The following ONECUT1 variants were observed in gnomAD, a reference collection of about 807,000 sequenced individuals.
The protein encoded by ONECUT1 is one cut homeobox 1, also known as hepatocyte nuclear factor 6.
A neutral mutation model predicts 25.6 loss-of-function variants in ONECUT1; 12 were observed. The ratio of observed to expected loss-of-function variants is 0.47; its 90% CI spans 0.30 to 0.76. The LOEUF is 0.76. ONECUT1 is among the 30% of genes least tolerant of loss of function. ONECUT1 has a pLI of 0.07. For synonymous variants in ONECUT1, 285 were observed against 270.2 expected, an observed-to-expected ratio of 1.05 and a Z score of -0.54; for missense variants, 620 against 651.2, an observed-to-expected ratio of 0.95 and a Z score of 0.52.
At chr15:52,760,132 C>T (rs1270506290) in intron 1 of ONECUT1, among the ~76,000 whole-genome samples, 2 of 152,160 alleles carry the variant, frequency 1.3e-5, no homozygotes, top group East Asian at 1.9e-4. Context: ...GTAACATGTC[C>T]TGTAGGTCAC....
Position 52,783,919 on chromosome 15 carries a change from G to T in ONECUT1, c.1105+4861C>A, listed in dbSNP as rs138075680. ...GTTAGGTACCCCGACAGACCCTCTA[G>T]ATATCCTTCTCTTCCTCCTTCACAC... On this transcript the variant is annotated intron_variant, in intron 1 of 1. Coordinates refer to ENST00000305901, the MANE Select transcript of ONECUT1 (RefSeq NM_004498.4). Among the ~76,000 whole-genome samples the T allele has an allele frequency of 8.9e-3, 1,355 of 152,348 alleles. 23 individuals are homozygous for T. Among genetic ancestry groups the T allele is most frequent in the African/African-American group, 0.029 (1,220 of 41,584 alleles).
chr15:52,764,753 G>A (rs1329259239), intron 1 of ONECUT1, among the ~76,000 whole-genome samples: 8 of 152,204 alleles, frequency 5.3e-5, no homozygotes, highest in African/African-American at 1.9e-4. Flanking sequence ...AGGGCCTGCT[G>A]GAGATGCAGC....
intron 1 of ONECUT1, among the ~76,000 whole-genome samples, chr15:52,777,040 T>C (rs1328180691): frequency 6.6e-6 from 1 of 152,200 alleles, no homozygotes; most frequent in African/African-American, 2.4e-5. Context: ...CTTTGAGTAG[T>C]GAGGACCTAT....
At chr15:52,766,146 G>C (rs2083732906) in intron 1 of ONECUT1, among the ~76,000 whole-genome samples, 2 of 152,082 alleles carry the variant, frequency 1.3e-5, no homozygotes, top group South Asian at 4.1e-4. Flanking sequence ...TCACCCTTGT[G>C]TCTTGCTTTA....
chr15:52,765,267 G>A (rs551905869), intron 1 of ONECUT1, among the ~76,000 whole-genome samples: 1 of 152,328 alleles, frequency 6.6e-6, no homozygotes, highest in South Asian at 2.1e-4. Flanking sequence ...TGGTTGCAAA[G>A]CTCTGTGACT....
At position 52,765,767 on chromosome 15, in the gene ONECUT1, T is replaced by C. The variant is rs111677008; in HGVS notation, c.1106-7920A>G. On this transcript the variant is annotated intron_variant, in intron 1 of 1. Transcript: ENST00000305901. ...AGAATGTTATCTGCCTTGCCTTGAG[T>C]GATCTTACTGTGCAGTGTATATTTT... is the stretch of plus-strand genomic sequence containing the variant. 6.6e-3 allele frequency among the ~76,000 whole-genome samples: 999 copies of C among 152,266 alleles called. 14 individuals carry two copies. Among genetic ancestry groups the C allele is most frequent in the African/African-American group, 0.023 (956 of 41,552 alleles).
At chr15:52,780,645 ACTCCT>A in intron 1 of ONECUT1, 1 of 1,534,776 alleles carries the variant, frequency 6.5e-7, no homozygotes, top group Non-Finnish European at 8.7e-7. Context: ...CGCTTTAGCC[ACTCCT>A]CTCACGCACT....
chr15:52,787,938 G>A (rs1246201838), intron 1 of ONECUT1: 1 of 152,192 alleles, frequency 6.6e-6, no homozygotes, highest in Non-Finnish European at 1.5e-5. Context: ...GGAGACCTCT[G>A]CTCCTAGACT....
Position 52,789,878 on chromosome 15 carries a change from C to G in ONECUT1, c.7G>C (p.Ala3Pro), listed in dbSNP as rs1355423581. 2.6e-6 allele frequency: 4 copies of G among 1,537,730 alleles called. No individual in the cohort carries two copies. The highest frequency in any genetic ancestry group is 2.4e-5 in the South Asian group (2 of 84,734). The change falls in exon 1 of 2, where the codon GCG becomes CCG. Residue 3 changes from alanine to proline, a missense_variant. Ala to Pro is a conservative substitution (Grantham distance 27, BLOSUM62 -1). This residue lies in a region of ONECUT1 where 440 missense variants were observed against 404.9 expected (regional missense o/e 1.09). Coordinates refer to ENST00000305901, the MANE Select transcript of ONECUT1 (RefSeq NM_004498.4). The surrounding 1 kb of genome is among the most constrained non-coding windows in gnomAD (Gnocchi z 4.1). ...CCGATCGCTTCCATGGTCAGCTGCG[C>G]GTTCATCGTGATCCGGGCGAGCAGG... The part of the protein sequence containing the change: MN[A>P]QLTMEAIGEL...
intron 1 of ONECUT1, among the ~76,000 whole-genome samples, chr15:52,772,637 G>A (rs1415760357): frequency 6.6e-6 from 1 of 152,188 alleles, no homozygotes; most frequent in Non-Finnish European, 1.5e-5. Context: ...GGGCATCCCT[G>A]TGGGCAAGTA....
Position 52,757,679 on chromosome 15 carries a change from T to A in ONECUT1, c.1274A>T (p.Glu425Val). 1 of 1,614,136 alleles carries A rather than the reference T, an allele frequency of 6.2e-7. No individual in the cohort carries two copies. Among genetic ancestry groups the A allele is most frequent in the Non-Finnish European group, 8.5e-7 (1 of 1,180,020 alleles). ...GAAGAAGTTGCTGACAGTGCTCAGC[T>A]CCAACCCCAGCTGCTGGGAAATGGT... is the stretch of plus-strand genomic sequence containing the variant. ...QITISQQLGL[E>V]LSTVSNFFMN... Residue 425 changes from glutamate (E) to valine (V), a missense_variant, in exon 2 of 2, where the codon GAG becomes GTG. Glu to Val is a moderately radical substitution (Grantham distance 121). Around this residue, in one of 4 missense-constraint regions of ONECUT1, gnomAD observed 146 missense variants for 201.8 expected, o/e 0.72. Coordinates refer to ENST00000305901, the MANE Select transcript of ONECUT1 (RefSeq NM_004498.4).
chr15:52,789,483 GTGGTGGTGGTGA>G lies in ONECUT1; in HGVS notation c.390_401del (p.His131_His134del). The G allele has an allele frequency of 1.2e-6, 2 of 1,612,344 alleles. No individual in the cohort carries two copies. The highest frequency in any genetic ancestry group is 1.1e-5 in the South Asian group (1 of 90,884). The stretch of plus-strand genomic sequence containing the variant: ...CCGCCAGGCGCTGGTGGTGGTGCGG[GTGGTGGTGGTGA>G]TGGTGGTGGTGGTGATGGTGGGGGA... On this transcript the variant is annotated inframe_deletion, in exon 1 of 2. Coordinates refer to ENST00000305901, the MANE Select transcript of ONECUT1 (RefSeq NM_004498.4). This position sits in a 1 kb window ranked among gnomAD's most constrained non-coding sequence, Gnocchi z 4.1.
At chr15:52,773,773 A>T (rs2083782787) in intron 1 of ONECUT1, among the ~76,000 whole-genome samples, 1 of 152,208 alleles carries the variant, frequency 6.6e-6, no homozygotes, top group Non-Finnish European at 1.5e-5. Context: ...TCGTCAGTGA[A>T]ATCTGGGACA....
chr15:52,779,432 G>A (rs910989275), intron 1 of ONECUT1, among the ~76,000 whole-genome samples: 3 of 152,166 alleles, frequency 2.0e-5, no homozygotes, highest in Admixed American at 6.5e-5. Context: ...TAAGTGGCAT[G>A]AATTTGATAA....
intron 1 of ONECUT1, among the ~76,000 whole-genome samples, chr15:52,758,101 C>A (rs1488920936): frequency 2.0e-5 from 3 of 152,272 alleles, no homozygotes; most frequent in Non-Finnish European, 2.9e-5. Flanking sequence ...CTGGGTAAGT[C>A]AGTTAACTCC....
At chr15:52,786,021 G>A (rs2083872520) in intron 1 of ONECUT1, 1 of 152,214 alleles carries the variant, frequency 6.6e-6, no homozygotes, top group Non-Finnish European at 1.5e-5. Flanking sequence ...CAAGGTGGTT[G>A]GAACGAGACT....
At chr15:52,778,638 CT>C (rs893940087) in intron 1 of ONECUT1, among the ~76,000 whole-genome samples, 1 of 152,214 alleles carries the variant, frequency 6.6e-6, no homozygotes, top group Non-Finnish European at 1.5e-5. Context: ...AGCTGCAGCA[CT>C]TTGGGGCCAG....
intron 1 of ONECUT1, among the ~76,000 whole-genome samples, chr15:52,762,023 T>C (rs1342765337): frequency 6.6e-6 from 1 of 152,132 alleles, no homozygotes; most frequent in Non-Finnish European, 1.5e-5. Flanking sequence ...AAATATAGAC[T>C]TGGAAGTCAT....
At chr15:52,760,764 T>C (rs1193797188) in intron 1 of ONECUT1, among the ~76,000 whole-genome samples, 1 of 151,724 alleles carries the variant, frequency 6.6e-6, no homozygotes, top group African/African-American at 2.4e-5. Flanking sequence ...ATCTCATAGG[T>C]AAGGAGGAGG....
Sources: gnomAD v4.1 joint callset for allele counts (sites outside exome capture counted in the v4.1 genomes callset) on GRCh38, gnomAD v4.1.1 for gene constraint, gnomAD v4.1.1 regional missense constraint, Gnocchi (gnomAD v3.1) non-coding constraint, MANE v1.5 for transcripts, NCBI Gene and HGNC (gene_info 2026-07-23, HGNC 2026-07-21) for gene names.